Variants in NUGGC observed in about 807,000 individuals in gnomAD.
NUGGC encodes nuclear GTPase, germinal center associated.
In NUGGC, 58 loss-of-function variants were observed where a neutral mutation model predicts 92.6. The ratio of observed to expected loss-of-function variants is 0.63; its 90% confidence interval spans 0.51 to 0.78. NUGGC has a LOEUF of 0.78. Among genes scored for constraint, NUGGC ranks in the 30% least tolerant of loss-of-function variants. The pLI is 0.00. For synonymous variants in NUGGC, 376 were observed against 366.4 expected (o/e 1.03, Z -0.30); for missense variants, 925 against 964.6 (o/e 0.96, Z 0.54).
intron 9 of NUGGC, among the ~76,000 whole-genome samples, chr8:28,056,344 G>A (rs1462050036): frequency 6.6e-6 from 1 of 151,970 alleles, no homozygotes; most frequent in Non-Finnish European, 1.5e-5. Flanking sequence ...TAGGCGTGGC[G>A]GCACGTGCCT....
intron 5 of NUGGC, among the ~76,000 whole-genome samples, chr8:28,067,979 C>A (rs1251258477): frequency 1.3e-5 from 2 of 152,012 alleles, no homozygotes; most frequent in Non-Finnish European, 2.9e-5. Context: ...GGGATGGGCT[C>A]TTTTCATTCA....
chr8:28,077,223 T>C (rs1036933288), intron 1 of NUGGC, among the ~76,000 whole-genome samples: 2 of 151,692 alleles, frequency 1.3e-5, no homozygotes, highest in African/African-American at 4.8e-5. Flanking sequence ...AAAAAAAAGG[T>C]AGATGGGCTA....
At chr8:28,050,396 A>AAAAGGAAAGGAAAAGAAAGG (rs1302166964) in intron 10 of NUGGC, among the ~76,000 whole-genome samples, 1 of 152,150 alleles carries the variant, frequency 6.6e-6, no homozygotes, top group Admixed American at 6.5e-5. Flanking sequence ...AAAAAAAGAA[A>AAAAGGAAAGGAAAAGAAAGG]AAAGGAAAGG....
At chr8:28,060,134 T>A in intron 8 of NUGGC, 1 of 524,298 alleles carries the variant, frequency 1.9e-6, no homozygotes. Flanking sequence ...CATCACACAG[T>A]GCAGGAGGTA....
At chr8:28,041,924 C>T (rs575248883) in intron 12 of NUGGC, among the ~76,000 whole-genome samples, 23 of 152,270 alleles carry the variant, frequency 1.5e-4, no homozygotes, top group African/African-American at 5.3e-4. Context: ...ACCCAAATAT[C>T]ATTTTGAATT....
rs370864833 is a variant in NUGGC at position 28,068,250 on chromosome 8, T to C, written c.446A>G (p.Gln149Arg). 1 of 1,550,408 alleles carries C rather than the reference T, an allele frequency of 6.4e-7. No homozygotes were observed. Among genetic ancestry groups the C allele is most frequent in the African/African-American group, 1.4e-5 (1 of 72,984 alleles). The stretch of plus-strand genomic sequence containing the variant: ...CAGAAGGTGGATTTTGGCCTCATAC[T>C]GCACACAGCAGCCAGAGCTCACTTG... Reference protein sequence around the residue: ...IVQVSSGCCVQYEAKIHLLSD... With the variant: ...IVQVSSGCCVRYEAKIHLLSD... The change falls in exon 5 of 19, where the codon CAG becomes CGG. Residue 149 changes from glutamine (Q) to arginine (R), a missense_variant. By Grantham distance (43) the Gln-to-Arg change is conservative. Transcript: ENST00000413272.
At chr8:28,028,506 G>A (rs1250790339) in intron 17 of NUGGC, among the ~76,000 whole-genome samples, 1 of 152,218 alleles carries the variant, frequency 6.6e-6, no homozygotes, top group Admixed American at 6.5e-5. Context: ...CAGCTTCCCT[G>A]AGGGCTTGGG....
intron 16 of NUGGC, among the ~76,000 whole-genome samples, chr8:28,030,007 T>C (rs912743726): frequency 6.6e-5 from 10 of 152,154 alleles, no homozygotes; most frequent in Non-Finnish European, 1.0e-4. Flanking sequence ...AGTTCAAGTA[T>C]TTGTGAATAC....
At chr8:28,032,483 C>T (rs1208506787) in intron 14 of NUGGC, among the ~76,000 whole-genome samples, 7 of 151,814 alleles carry the variant, frequency 4.6e-5, no homozygotes, top group East Asian at 1.9e-4. Flanking sequence ...TTTGGGAGGC[C>T]GAGGCGGGCA....
intron 14 of NUGGC, among the ~76,000 whole-genome samples, chr8:28,032,740 A>T (rs1306927958): frequency 6.6e-6 from 1 of 151,234 alleles, no homozygotes; most frequent in African/African-American, 2.4e-5. Flanking sequence ...AAAAAAAAAA[A>T]AGAATTAGAG....
chr8:28,059,842 C>A (rs997717255), intron 8 of NUGGC, among the ~76,000 whole-genome samples: 1 of 151,976 alleles, frequency 6.6e-6, no homozygotes, highest in Non-Finnish European at 1.5e-5. Context: ...GCCAACATGG[C>A]GAAACCCCAT....
At chr8:28,047,467 T>G in intron 11 of NUGGC, 40 bp downstream of exon 11, 313 of 1,276,418 alleles carry the variant, frequency 2.5e-4, no homozygotes, top group Non-Finnish European at 3.1e-4. Context: ...AGCTTGATCT[T>G]GAGAATTTTA....
chr8:28,072,077 C>G (rs896285677), intron 2 of NUGGC, among the ~76,000 whole-genome samples: 2 of 152,194 alleles, frequency 1.3e-5, no homozygotes, highest in Admixed American at 1.3e-4. Flanking sequence ...TGGAAGCCAA[C>G]GCACACCCCG....
intron 17 of NUGGC, 113 bp from the exon 18 acceptor site, chr8:28,027,165 C>T: frequency 1.2e-6 from 1 of 830,764 alleles, no homozygotes; most frequent in Non-Finnish European, 2.0e-6. Flanking sequence ...ACTGGGGTTG[C>T]CAAAGTCAGG....
rs1236619604 is a variant in NUGGC, at chr8:28,069,615, G to A, written c.186C>T (p.Ser62=). Reference sequence around the variant, plus strand: ...ACTGAATAAGTTTCTGATAAGTGTTGCTCAAAACCCTTCTGGTCCGTGATT... The same window carrying A: ...ACTGAATAAGTTTCTGATAAGTGTTACTCAAAACCCTTCTGGTCCGTGATT... ...KLESRTRRVL[S]NTYQKLIQSV... The change falls in exon 4 of 19, where the codon AGC becomes AGT. Residue 62 remains serine, a synonymous_variant. Coordinates refer to ENST00000413272, the MANE Select transcript of NUGGC (RefSeq NM_001010906.2). 6.2e-7 allele frequency: 1 copy of A among 1,611,486 alleles called. No individual in the cohort carries two copies. The highest frequency in any genetic ancestry group is 1.7e-5 in the Admixed American group (1 of 60,004).
intron 6 of NUGGC, 55 bp downstream of exon 6, chr8:28,067,459 A>G (rs569386689): frequency 1.4e-5 from 16 of 1,147,460 alleles, no homozygotes; most frequent in Admixed American, 2.0e-5. Context: ...AACAGGTTCA[A>G]CTGTTAGACT....
At chr8:28,067,207 G>A (rs1250153477) in intron 6 of NUGGC, among the ~76,000 whole-genome samples, 6 of 152,112 alleles carry the variant, frequency 3.9e-5, no homozygotes, top group African/African-American at 9.7e-5. Flanking sequence ...ATAAATCCCT[G>A]TTTGTTTAAG....
chr8:28,040,411 A>G (rs1005293733), intron 13 of NUGGC, among the ~76,000 whole-genome samples: 2 of 152,210 alleles, frequency 1.3e-5, no homozygotes, highest in Non-Finnish European at 2.9e-5. Flanking sequence ...CTCATTTTAT[A>G]GTAGAAAACC....
chr8:28,072,045 A>G (rs137987506), intron 2 of NUGGC, among the ~76,000 whole-genome samples: 1 of 152,272 alleles, frequency 6.6e-6, no homozygotes, highest in East Asian at 1.9e-4. Context: ...TCTCTGTTCA[A>G]CCTTGCATCT....
Sources: gnomAD v4.1 joint callset for allele counts (sites outside exome capture counted in the v4.1 genomes callset) on GRCh38, gnomAD v4.1.1 for gene constraint, MANE v1.5 for transcripts, NCBI Gene and HGNC (gene_info 2026-07-23, HGNC 2026-07-21) for gene names.